The following GUCY1A2 variants were observed in gnomAD, a reference collection of about 807,000 sequenced individuals.
The protein encoded by GUCY1A2 is guanylate cyclase 1 soluble subunit alpha 2.
A neutral mutation model predicts 63.5 loss-of-function variants in GUCY1A2; 27 were observed. The ratio of observed to expected loss-of-function variants is 0.43; its 90% CI spans 0.31 to 0.59. The LOEUF (loss-of-function observed/expected upper bound fraction) is 0.59. Among genes scored for constraint, GUCY1A2 ranks in the 20% least tolerant of loss-of-function variants. The pLI is 0.11. For missense variants in GUCY1A2, 768 were observed against 913.3 expected, an observed-to-expected ratio of 0.84 and a Z score of 2.05; for synonymous variants, 364 against 343.5, an observed-to-expected ratio of 1.06 and a Z score of -0.66.
intron 4 of GUCY1A2, among the ~76,000 whole-genome samples, chr11:106,904,005 C>A (rs779349841): frequency 6.6e-6 from 1 of 152,170 alleles, no homozygotes; most frequent in Non-Finnish European, 1.5e-5. Context: ...CAGAATTATA[C>A]TCTGCTTCAC....
At chr11:106,821,855 A>G (rs1463570617) in intron 4 of GUCY1A2, among the ~76,000 whole-genome samples, 1 of 152,152 alleles carries the variant, frequency 6.6e-6, no homozygotes, top group African/African-American at 2.4e-5. Context: ...TTAAATTATT[A>G]TTATTTTACG....
intron 7 of GUCY1A2, among the ~76,000 whole-genome samples, chr11:106,702,448 C>A (rs549754872): frequency 6.6e-6 from 1 of 152,192 alleles, no homozygotes; most frequent in South Asian, 2.1e-4. Context: ...GTATCTGTGT[C>A]TGAGGGCAGG....
At chr11:107,017,680 C>A in intron 1 of GUCY1A2, 73 bp downstream of exon 1, 1 of 919,990 alleles carries the variant, frequency 1.1e-6, no homozygotes, top group Non-Finnish European at 1.4e-6. Flanking sequence ...CGCGCCCCGG[C>A]TCGCCCAGCG....
At chr11:106,775,146 C>A (rs1428869190) in intron 6 of GUCY1A2, among the ~76,000 whole-genome samples, 1 of 151,966 alleles carries the variant, frequency 6.6e-6, no homozygotes, top group East Asian at 1.9e-4. Flanking sequence ...AATGTAAAAA[C>A]CCATACTATG....
intron 5 of GUCY1A2, among the ~76,000 whole-genome samples, chr11:106,784,451 A>G (rs2135408032): frequency 6.6e-6 from 1 of 152,130 alleles, no homozygotes; most frequent in Admixed American, 6.6e-5. Flanking sequence ...CTAGCTCTAG[A>G]GGAGGGAGTG....
intron 4 of GUCY1A2, among the ~76,000 whole-genome samples, chr11:106,860,276 ATT>A (rs58523533): frequency 1.0e-3 from 149 of 145,732 alleles, no homozygotes; most frequent in African/African-American, 3.4e-3. Flanking sequence ...ATGAACATTG[ATT>A]TTTTTTTTTT....
In GUCY1A2 at chr11:106,902,984, T is replaced by C. The variant is rs188555115; in HGVS notation, c.1206+36476A>G. Among the ~76,000 whole-genome samples the C allele has an allele frequency of 3.0e-3, 457 of 152,280 alleles. 4 individuals are homozygous for C. Among genetic ancestry groups the C allele is most frequent in the Non-Finnish European group, 4.8e-3 (326 of 68,006 alleles). On this transcript the variant is annotated intron_variant, in intron 4 of 7. Transcript: ENST00000526355. ...CCAAGGGACGACAGTACATGCCTCT[T>C]GATTATGAATCTATGTCTTGCAAAA...
intron 4 of GUCY1A2, among the ~76,000 whole-genome samples, chr11:106,887,130 A>C (rs2135475536): frequency 6.6e-6 from 1 of 152,066 alleles, no homozygotes; most frequent in South Asian, 2.1e-4. Flanking sequence ...GCCCCTTCTT[A>C]CGATTTCATG....
intron 1 of GUCY1A2, among the ~76,000 whole-genome samples, chr11:106,994,993 G>T (rs1263887228): frequency 6.6e-6 from 1 of 152,000 alleles, no homozygotes; most frequent in Non-Finnish European, 1.5e-5. Context: ...TTGGTTCAGT[G>T]TGAATGAAAA....
intron 3 of GUCY1A2, among the ~76,000 whole-genome samples, chr11:106,950,987 C>T (rs1860900046): frequency 1.3e-5 from 2 of 152,116 alleles, no homozygotes; most frequent in South Asian, 4.1e-4. Flanking sequence ...TGAGAACATG[C>T]AGTGTTTGGT....
chr11:107,002,116 T>A (rs891715107), intron 1 of GUCY1A2, among the ~76,000 whole-genome samples: 2 of 151,994 alleles, frequency 1.3e-5, no homozygotes, highest in Admixed American at 1.3e-4. Context: ...CCTTGCTTGA[T>A]GAAATTGATT....
At chr11:106,962,110 A>T (rs1219397389) in intron 3 of GUCY1A2, among the ~76,000 whole-genome samples, 1 of 152,224 alleles carries the variant, frequency 6.6e-6, no homozygotes, top group African/African-American at 2.4e-5. Context: ...CAACATTTAT[A>T]CTAAGGTGAG....
At chr11:106,753,842 T>G (rs1863926035) in intron 6 of GUCY1A2, among the ~76,000 whole-genome samples, 1 of 152,182 alleles carries the variant, frequency 6.6e-6, no homozygotes, top group Admixed American at 6.5e-5. Context: ...ATGTGGGCTC[T>G]TTTTTGGTTC....
intron 4 of GUCY1A2, among the ~76,000 whole-genome samples, chr11:106,873,970 T>G (rs921591029): frequency 6.6e-6 from 1 of 152,218 alleles, no homozygotes; most frequent in Non-Finnish European, 1.5e-5. Flanking sequence ...CTAAGCTTCA[T>G]GTTCAAAGAC....
intron 4 of GUCY1A2, chr11:106,827,644 T>A: frequency 6.5e-7 from 1 of 1,532,158 alleles, no homozygotes; most frequent in South Asian, 1.1e-5. Context: ...CCAGATTCTA[T>A]AACCTTGATG....
intron 4 of GUCY1A2, among the ~76,000 whole-genome samples, chr11:106,854,648 C>T (rs1474872306): frequency 6.6e-6 from 1 of 152,138 alleles, no homozygotes; most frequent in Non-Finnish European, 1.5e-5. Flanking sequence ...CCTCAGGGCC[C>T]CGGATGGATG....
At chr11:106,704,240 T>C (rs1031244449) in intron 7 of GUCY1A2, among the ~76,000 whole-genome samples, 2 of 152,148 alleles carry the variant, frequency 1.3e-5, no homozygotes, top group East Asian at 1.9e-4. Context: ...TCTTCCTCCA[T>C]GGAAAGAACA....
intron 4 of GUCY1A2, among the ~76,000 whole-genome samples, chr11:106,859,094 G>A (rs1217380450): frequency 6.6e-6 from 1 of 151,824 alleles, no homozygotes; most frequent in Non-Finnish European, 1.5e-5. Flanking sequence ...ACAATAATTT[G>A]ACCTACTACT....
At chr11:106,733,087 C>T (rs941200710) in intron 6 of GUCY1A2, among the ~76,000 whole-genome samples, 15 of 152,092 alleles carry the variant, frequency 9.9e-5, no homozygotes, top group Admixed American at 2.0e-4. Context: ...TGTTTTCCAG[C>T]GAGTAACATA....
Sources: gnomAD v4.1 joint callset for allele counts (sites outside exome capture counted in the v4.1 genomes callset) on GRCh38, gnomAD v4.1.1 for gene constraint, MANE v1.5 for transcripts, NCBI Gene and HGNC (gene_info 2026-07-23, HGNC 2026-07-21) for gene names.